The following CEP192 variants were observed in gnomAD, a reference collection of about 807,000 sequenced individuals.
CEP192 encodes the protein centrosomal protein of 192 kDa.
Under a neutral mutation model 271.8 loss-of-function variants are expected in CEP192, and 151 were observed. That is an observed-to-expected ratio of 0.56 (90% CI 0.49 to 0.64). The LOEUF (loss-of-function observed/expected upper bound fraction) is 0.64. Among genes scored for constraint, CEP192 ranks in the 30% least tolerant of loss-of-function variants. The probability of loss-of-function intolerance (pLI) is 0.00; values close to 1 mark genes in which losing one functional copy is unlikely to be tolerated. For synonymous variants in CEP192, 995 were observed against 1,076.5 expected (o/e 0.92, Z 1.48); for missense variants, 2,910 against 3,020.5 (o/e 0.96, Z 0.86).
intron 40 of CEP192, among the ~76,000 whole-genome samples, chr18:13,111,822 A>T (rs2040222794): frequency 6.6e-6 from 1 of 152,252 alleles, no homozygotes; most frequent in South Asian, 2.1e-4. Context: ...ATTTGAATAG[A>T]CATTTTCCCA....
intron 38 of CEP192, among the ~76,000 whole-genome samples, chr18:13,101,836 G>A (rs901828939): frequency 4.6e-5 from 7 of 152,066 alleles, no homozygotes; most frequent in African/African-American, 4.8e-5. Flanking sequence ...TGCCTGTTTT[G>A]TGCTCTCTCC....
At chr18:13,042,177 A>G (rs1486614070) in intron 14 of CEP192, 27 bp from the exon 15 acceptor site, 1 of 1,594,676 alleles carries the variant, frequency 6.3e-7, no homozygotes, top group South Asian at 1.1e-5. Context: ...GTATACTTAT[A>G]AGTTGAATAT....
At chr18:13,103,264 A>G (rs1326380682) in intron 38 of CEP192, among the ~76,000 whole-genome samples, 1 of 152,150 alleles carries the variant, frequency 6.6e-6, no homozygotes, top group African/African-American at 2.4e-5. Context: ...AAAAATGTAA[A>G]TCATCTTATT....
At chr18:13,092,770 T>G (rs66688868) in intron 34 of CEP192, among the ~76,000 whole-genome samples, 20,748 of 152,110 alleles carry the variant, frequency 0.14, 1,546 homozygotes, top group East Asian at 0.31. Flanking sequence ...CACCTTTACC[T>G]TATCATCCTC....
At chr18:13,071,558 A>G (rs749228847) in intron 28 of CEP192, among the ~76,000 whole-genome samples, 2 of 152,208 alleles carry the variant, frequency 1.3e-5, no homozygotes, top group African/African-American at 2.4e-5. Context: ...TAAATGATCT[A>G]AATTTCTCAG....
At chr18:13,008,857 C>T (rs1417351486) in intron 4 of CEP192, among the ~76,000 whole-genome samples, 1 of 152,040 alleles carries the variant, frequency 6.6e-6, no homozygotes, top group Non-Finnish European at 1.5e-5. Flanking sequence ...CAGGCACACA[C>T]CACCATGCTA....
chr18:13,070,362 G>A (rs536858818), intron 27 of CEP192, among the ~76,000 whole-genome samples: 23 of 152,168 alleles, frequency 1.5e-4, no homozygotes, highest in African/African-American at 4.8e-4. Flanking sequence ...CAGCTGAATC[G>A]AAATGAATAA....
rs1598586346 is a variant in CEP192 at position 13,095,401 on chromosome 18, G to A, written c.6255-102G>A. The A allele has an allele frequency of 6.8e-6, 6 of 880,888 alleles. No homozygotes were observed. In the East Asian group the frequency reaches 1.0e-4, roughly 15 times the overall value. 54.6% of individuals were successfully genotyped at this position (880,888 alleles called of 1,614,324 possible). On this transcript the variant is annotated intron_variant, in intron 34 of 44. Transcript: ENST00000506447. ...TTTGTCTTAATGTTTTTAGATTTAT[G>A]AAGAATATAAAAATATGTGATACAA...
chr18:13,084,968 A>G (rs978414607), intron 30 of CEP192, among the ~76,000 whole-genome samples: 2 of 148,378 alleles, frequency 1.3e-5, no homozygotes, highest in South Asian at 2.1e-4. Context: ...AGCGCATGCC[A>G]CCACACCCAG....
chr18:13,093,797 G>T (rs478399), intron 34 of CEP192, among the ~76,000 whole-genome samples: 1 of 152,078 alleles, frequency 6.6e-6, no homozygotes. Context: ...TTTCTTTACC[G>T]CAAATAATTC....
At chr18:13,117,717 A>C (rs554064131) in intron 44 of CEP192, 74 bp downstream of exon 44, 2 of 1,093,952 alleles carry the variant, frequency 1.8e-6, no homozygotes, top group African/African-American at 1.5e-5. Flanking sequence ...GGGGCTTGTG[A>C]GGTCTCCTCT....
At chr18:13,050,721 A>G (rs1205046892) in intron 17 of CEP192, among the ~76,000 whole-genome samples, 1 of 152,044 alleles carries the variant, frequency 6.6e-6, no homozygotes, top group African/African-American at 2.4e-5. Context: ...CTGGAACCAC[A>G]GGCACGTGCC....
intron 1 of CEP192, among the ~76,000 whole-genome samples, chr18:12,995,768 G>A (rs1350569079): frequency 6.6e-6 from 1 of 152,230 alleles, no homozygotes; most frequent in African/African-American, 2.4e-5. Flanking sequence ...AGGCCTGACA[G>A]CTAAGTGAAC....
In CEP192 at chr18:13,124,561, A is replaced by G; in HGVS notation, c.7476-71A>G. On this transcript the variant is annotated intron_variant, in intron 44 of 44. Coordinates refer to ENST00000506447, the MANE Select transcript of CEP192 (RefSeq NM_032142.4). ...TCTTTCCTCAACACCTGAGCCAGGC[A>G]CTGTGCTGCCTGGGACAGGGTCACG... 3 of 1,447,272 alleles carry G rather than the reference A, an allele frequency of 2.1e-6. No individual in the cohort carries two copies. In the South Asian group the frequency reaches 4.7e-5, roughly 23 times the overall value. 89.7% of individuals were successfully genotyped at this position (1,447,272 alleles called of 1,614,324 possible).
rs2037086568 is a variant in CEP192 at position 13,056,164 on chromosome 18, C to T, written c.3574C>T (p.Pro1192Ser). Residue 1192 changes from proline to serine, a missense_variant, in exon 19 of 45, where the codon CCT becomes TCT. Coordinates refer to ENST00000506447, the MANE Select transcript of CEP192 (RefSeq NM_032142.4). ...ATCACACCCTGTGTCCTGCCAGGAG[C>T]CTATAGATGAAGATCAAAGAATAAG... ...ATSHPVSCQE[P>S]IDEDQRISPK... 1 of 1,613,656 alleles carries T rather than the reference C, an allele frequency of 6.2e-7. No individual in the cohort carries two copies. Among genetic ancestry groups the T allele is most frequent in the East Asian group, 2.2e-5 (1 of 44,898 alleles).
intron 43 of CEP192, among the ~76,000 whole-genome samples, chr18:13,117,383 C>T (rs1412052078): frequency 6.6e-6 from 1 of 152,044 alleles, no homozygotes. Flanking sequence ...ACAACCTTTA[C>T]TTTAGTTAAA....
intron 4 of CEP192, among the ~76,000 whole-genome samples, chr18:13,009,123 G>A (rs1422002500): frequency 6.6e-6 from 1 of 151,242 alleles, no homozygotes; most frequent in African/African-American, 2.4e-5. Context: ...TTCTCGAGTA[G>A]CTGGGACTGG....
At chr18:13,020,164 T>C (rs1299478233) in intron 9 of CEP192, among the ~76,000 whole-genome samples, 1 of 152,132 alleles carries the variant, frequency 6.6e-6, no homozygotes, top group Non-Finnish European at 1.5e-5. Context: ...TACATTTACA[T>C]TGTGCAGCCA....
At chr18:13,112,921 T>C (rs2145062928) in intron 40 of CEP192, among the ~76,000 whole-genome samples, 1 of 152,364 alleles carries the variant, frequency 6.6e-6, no homozygotes, top group South Asian at 2.1e-4. Flanking sequence ...ACTAAATTAT[T>C]TGATAAAGCT....
Sources: allele counts gnomAD v4.1 joint callset (sites outside exome capture counted in the v4.1 genomes callset), GRCh38; gene constraint gnomAD v4.1.1; transcripts MANE v1.5; gene names NCBI Gene and HGNC (gene_info 2026-07-23, HGNC 2026-07-21).